Variants in SCAI observed in about 807,000 individuals in gnomAD.
The protein encoded by SCAI is protein SCAI.
A neutral mutation model predicts 92.2 loss-of-function variants in SCAI; 24 were observed. The ratio of observed to expected loss-of-function variants is 0.26; its 90% CI spans 0.19 to 0.37. The LOEUF is 0.37. Ranked by LOEUF, SCAI falls within the 10% of genes least tolerant of loss-of-function variation. SCAI has a pLI of 1.00. For missense variants in SCAI, 450 were observed against 736.2 expected, an observed-to-expected ratio of 0.61 and a Z score of 4.50; for synonymous variants, 261 against 258.6, an observed-to-expected ratio of 1.01 and a Z score of -0.09.
At chr9:124,965,810 G>C (rs532088618) in intron 17 of SCAI, among the ~76,000 whole-genome samples, 1 of 152,202 alleles carries the variant, frequency 6.6e-6, no homozygotes, top group African/African-American at 2.4e-5. Flanking sequence ...TGCTTCTTGG[G>C]AGCACTTGAA....
chr9:124,952,182 T>G lies in SCAI; in HGVS notation c.*625A>C, dbSNP rs1831243301. 1 of 152,222 alleles carries G rather than the reference T, an allele frequency of 6.6e-6. No individual in the cohort carries two copies. Among genetic ancestry groups the G allele is most frequent in the South Asian group, 2.1e-4 (1 of 4,836 alleles). 9.4% of individuals were successfully genotyped at this position (152,222 alleles called of 1,614,324 possible). ...TCTCATAATACTCATACATTCCAAG[T>G]AATATTACCACCTCAAGTCCTCAAT... On this transcript the variant is annotated 3_prime_UTR_variant, in exon 18 of 18. Transcript: ENST00000336505.
chr9:125,087,522 G>A (rs1023557509), intron 2 of SCAI, among the ~76,000 whole-genome samples: 3 of 152,166 alleles, frequency 2.0e-5, no homozygotes, highest in African/African-American at 4.8e-5. Context: ...TGAAAAAGGC[G>A]ATTTGTAAAA....
chr9:125,028,368 T>G, intron 5 of SCAI, 24 bp downstream of exon 5: 2 of 1,290,804 alleles, frequency 1.5e-6, no homozygotes, highest in Non-Finnish European at 2.2e-6. Context: ...AACACTTTAC[T>G]CTTTCCATGT....
intron 17 of SCAI, among the ~76,000 whole-genome samples, chr9:124,954,593 G>T (rs1385278787): frequency 6.6e-6 from 1 of 152,152 alleles, no homozygotes; most frequent in Non-Finnish European, 1.5e-5. Context: ...TTTAGTAACG[G>T]TTTTATTAAG....
intron 2 of SCAI, chr9:125,065,891 A>G: frequency 1.6e-6 from 1 of 644,114 alleles, no homozygotes. Flanking sequence ...TTGGCTCACA[A>G]TTAAGAAAAA....
At chr9:124,995,135 T>G (rs1012544249) in intron 13 of SCAI, 120 bp from the exon 14 acceptor site, 1 of 636,868 alleles carries the variant, frequency 1.6e-6, no homozygotes, top group Non-Finnish European at 2.7e-6. Context: ...AAACAAAGAC[T>G]AGTTAAGCAA....
chr9:124,975,953 G>A (rs1283847168), intron 15 of SCAI, among the ~76,000 whole-genome samples, 161 bp downstream of exon 15: 1 of 152,124 alleles, frequency 6.6e-6, no homozygotes, highest in Non-Finnish European at 1.5e-5. Context: ...CTGGTTGTTG[G>A]CAAGGCTTCT....
At chr9:125,034,807 C>A (rs1238233242) in intron 3 of SCAI, among the ~76,000 whole-genome samples, 1 of 151,916 alleles carries the variant, frequency 6.6e-6, no homozygotes, top group Non-Finnish European at 1.5e-5. Context: ...TGAGTGTGAA[C>A]TTAAGGATGA....
At chr9:125,100,886 T>A (rs1834663857) in intron 2 of SCAI, among the ~76,000 whole-genome samples, 1 of 152,040 alleles carries the variant, frequency 6.6e-6, no homozygotes, top group Admixed American at 6.6e-5. Flanking sequence ...AGGCCCCGAG[T>A]TAGCTTGCCT....
At chr9:124,969,053 C>T (rs1044016932) in intron 17 of SCAI, among the ~76,000 whole-genome samples, 4 of 152,080 alleles carry the variant, frequency 2.6e-5, no homozygotes, top group African/African-American at 9.7e-5. Context: ...AGCAATTCTC[C>T]CACCTTAGCC....
At chr9:125,037,981 G>A (rs1833235917) in intron 3 of SCAI, among the ~76,000 whole-genome samples, 1 of 152,056 alleles carries the variant, frequency 6.6e-6, no homozygotes, top group Non-Finnish European at 1.5e-5. Context: ...TAACAGGTCA[G>A]TGCAGTGGCT....
At chr9:125,072,028 C>CT (rs56309523) in intron 2 of SCAI, among the ~76,000 whole-genome samples, 64,929 of 145,562 alleles carry the variant, frequency 0.45, 14,718 homozygotes, top group East Asian at 0.55. Flanking sequence ...AGTAGATAGT[C>CT]TTTTTTTTTT....
At chr9:125,007,171 C>T (rs1214904651) in intron 9 of SCAI, among the ~76,000 whole-genome samples, 1 of 151,878 alleles carries the variant, frequency 6.6e-6, no homozygotes, top group Non-Finnish European at 1.5e-5. Flanking sequence ...AATTAATATG[C>T]AAGCAAATTA....
At chr9:125,132,605 T>C (rs151177486) in intron 2 of SCAI, among the ~76,000 whole-genome samples, 102 of 152,330 alleles carry the variant, frequency 6.7e-4, no homozygotes, top group African/African-American at 2.3e-3. Context: ...TTACGCTCCA[T>C]ATAGCCAAAA....
At chr9:125,107,730 T>C (rs1055555448) in intron 2 of SCAI, among the ~76,000 whole-genome samples, 4 of 152,204 alleles carry the variant, frequency 2.6e-5, no homozygotes, top group African/African-American at 4.8e-5. Flanking sequence ...ATTGTGCCAC[T>C]GCACTCCAGC....
At chr9:124,979,254 T>C (rs1431391094) in intron 14 of SCAI, among the ~76,000 whole-genome samples, 1 of 152,024 alleles carries the variant, frequency 6.6e-6, no homozygotes, top group Admixed American at 6.6e-5. Flanking sequence ...AGACTATTTC[T>C]TGGCTGGGCA....
chr9:125,123,630 C>T (rs1478032539), intron 2 of SCAI, among the ~76,000 whole-genome samples: 1 of 152,090 alleles, frequency 6.6e-6, no homozygotes, highest in East Asian at 1.9e-4. Context: ...AAAAAATTAG[C>T]CGGGCATGGT....
chr9:125,111,904 G>C (rs1161063685), intron 2 of SCAI, among the ~76,000 whole-genome samples: 1 of 152,180 alleles, frequency 6.6e-6, no homozygotes, highest in Non-Finnish European at 1.5e-5. Context: ...ATGCTGTAGA[G>C]GAGAAAGCTG....
At chr9:124,964,832 C>CAGCT (rs1026566271) in intron 17 of SCAI, among the ~76,000 whole-genome samples, 1 of 152,204 alleles carries the variant, frequency 6.6e-6, no homozygotes, top group African/African-American at 2.4e-5. Flanking sequence ...GTTGTACTGG[C>CAGCT]AGCTGGTGTT....
Sources: gnomAD v4.1 joint callset for allele counts (sites outside exome capture counted in the v4.1 genomes callset) on GRCh38, gnomAD v4.1.1 for gene constraint, MANE v1.5 for transcripts, NCBI Gene and HGNC (gene_info 2026-07-23, HGNC 2026-07-21) for gene names.